SATB1: variants seen among roughly 807,000 people sequenced by gnomAD.
The protein encoded by SATB1 is DNA-binding protein SATB1.
In SATB1, 11 loss-of-function variants were observed where a neutral mutation model predicts 86.9. The ratio of observed to expected loss-of-function variants is 0.13; its 90% CI spans 0.08 to 0.21. SATB1 has a LOEUF of 0.21. Among genes scored for constraint, SATB1 ranks in the 10% least tolerant of loss-of-function variants. The pLI, the probability that SATB1 is intolerant of heterozygous loss-of-function variation, is 1.00. For synonymous variants in SATB1, 357 were observed against 357.2 expected, an observed-to-expected ratio of 1.00 and a Z score of 0.01; for missense variants, 551 against 937.6, an observed-to-expected ratio of 0.59 and a Z score of 5.39.
chr3:18,417,268 T>C (rs937297356), intron 2 of SATB1, 190 bp from the exon 3 acceptor site: 52 of 589,086 alleles, frequency 8.8e-5, no homozygotes, highest in Middle Eastern at 8.8e-4. Context: ...TTTAAAGTCG[T>C]AACAGAAATA....
upstream of SATB1, among the ~76,000 whole-genome samples, chr3:18,439,255 G>A (rs1699169096): frequency 6.6e-6 from 1 of 152,132 alleles, no homozygotes; most frequent in Non-Finnish European, 1.5e-5. Flanking sequence ...ATTGAAAGAG[G>A]TTATTAGAAT....
At chr3:18,398,129 A>G (rs1312664300) in intron 5 of SATB1, among the ~76,000 whole-genome samples, 1 of 152,194 alleles carries the variant, frequency 6.6e-6, no homozygotes, top group African/African-American at 2.4e-5. Flanking sequence ...CCTGCTTTTA[A>G]TAAATGCCCG....
chr3:18,405,860 T>C (rs1697506567), intron 5 of SATB1, among the ~76,000 whole-genome samples: 1 of 151,990 alleles, frequency 6.6e-6, no homozygotes, highest in African/African-American at 2.4e-5. Flanking sequence ...AGACTTCCCA[T>C]GTCTACCAGA....
rs971318723 is a variant in SATB1, at chr3:18,444,328, G to C, written c.-25+1190C>G. On this transcript the variant is annotated intron_variant, in intron 1 of 3. Coordinates refer to the SATB1 transcript ENST00000415069. This position sits in a 1 kb window ranked among gnomAD's most constrained non-coding sequence, Gnocchi z 5.1. ...GTCTATTGGGCAGGTGTGGTGGTGT[G>C]TCCACACCCAGACAGAAAACGAATG... 2.6e-5 allele frequency among the ~76,000 whole-genome samples: 4 copies of C among 151,968 alleles called. No individual in the cohort carries two copies. The highest frequency in any genetic ancestry group is 9.7e-5 in the African/African-American group (4 of 41,382).
intron 5 of SATB1, among the ~76,000 whole-genome samples, chr3:18,397,642 A>T (rs973679690): frequency 6.6e-6 from 1 of 152,194 alleles, no homozygotes. Context: ...GTGACTCATA[A>T]ATATACGAGA....
intron 9 of SATB1, among the ~76,000 whole-genome samples, chr3:18,372,996 T>C (rs1695550103): frequency 6.6e-6 from 1 of 152,200 alleles, no homozygotes; most frequent in Non-Finnish European, 1.5e-5. Flanking sequence ...GACCACACTC[T>C]GGACTGTCTT....
chr3:18,395,936 C>CA (rs1696943184), intron 6 of SATB1, among the ~76,000 whole-genome samples: 1 of 152,230 alleles, frequency 6.6e-6, no homozygotes, highest in African/African-American at 2.4e-5. Flanking sequence ...AAATTGTACA[C>CA]AGACTTCCCA....
Position 18,349,598 on chromosome 3 carries a change from G to A in SATB1, c.1864C>T (p.Pro622Ser), listed in dbSNP as rs1349890343. Residue 622 changes from proline (P) to serine (S), a missense_variant, in exon 11 of 11, where the codon CCT becomes TCT. Around this residue, in one of 8 missense-constraint regions of SATB1, gnomAD observed 87 missense variants for 103.6 expected, o/e 0.84. Coordinates refer to ENST00000338745, the MANE Select transcript of SATB1 (RefSeq NM_002971.6). The surrounding 1 kb of genome is among the most constrained non-coding windows in gnomAD (Gnocchi z 5.5). ...GTGGGTTGCCGTGGGGGGAGCCGAG[G>A]GCCTGTCTGTGGCTGCTGCTGTGGC... ...PQPQQQPQTG[P>S]RLPPRQPTVA... 2 of 1,613,636 alleles carry A rather than the reference G, an allele frequency of 1.2e-6. No homozygotes were observed. Among genetic ancestry groups the A allele is most frequent in the Non-Finnish European group, 1.7e-6 (2 of 1,179,986 alleles).
At chr3:18,382,796 T>G (rs1034549733) in intron 8 of SATB1, among the ~76,000 whole-genome samples, 2 of 152,220 alleles carry the variant, frequency 1.3e-5, no homozygotes, top group Non-Finnish European at 2.9e-5. Flanking sequence ...CCATCCTCTA[T>G]GACAAACAAA....
chr3:18,445,087 G>T, intron 1 of SATB1: 1 of 465,884 alleles, frequency 2.1e-6, no homozygotes, highest in African/African-American at 2.1e-5. Flanking sequence ...TGGCGCTTCG[G>T]ACCGGGCACG....
At chr3:18,355,574 T>G (rs916535153) in intron 9 of SATB1, among the ~76,000 whole-genome samples, 1 of 152,074 alleles carries the variant, frequency 6.6e-6, no homozygotes. Flanking sequence ...GTACTAGTTT[T>G]TAAGTGTTAA....
chr3:18,369,693 C>G (rs1047202464), intron 9 of SATB1, among the ~76,000 whole-genome samples: 1 of 145,296 alleles, frequency 6.9e-6, no homozygotes, highest in Non-Finnish European at 1.5e-5. Context: ...GCTTCTGTGC[C>G]ACATTAGCTG....
intron 5 of SATB1, among the ~76,000 whole-genome samples, chr3:18,413,109 A>G (rs986296067): frequency 2.6e-5 from 4 of 152,084 alleles, no homozygotes; most frequent in African/African-American, 9.7e-5. Context: ...AGGAAGCCAT[A>G]TATCTGAAAA....
chr3:18,381,614 TTACTTGAAAAAA>T (rs1696067464), intron 8 of SATB1, among the ~76,000 whole-genome samples: 1 of 152,190 alleles, frequency 6.6e-6, no homozygotes, highest in Non-Finnish European at 1.5e-5. Flanking sequence ...TGCACCTTCT[TTACTTGAAAAAA>T]TTCTTAATTT....
rs1490097223 is a variant in SATB1 at position 18,345,832 on chromosome 3, A to G, written c.*3338T>C. ...TCAGAATGTCTCATTTATTGAGAAT[A>G]TTGTGACAATCAAAGACCTTAATAT... On this transcript the variant is annotated 3_prime_UTR_variant, in exon 11 of 11. Transcript: ENST00000338745. The G allele has an allele frequency of 6.6e-6, 1 of 152,110 alleles. No homozygotes were observed. Among genetic ancestry groups the G allele is most frequent in the Admixed American group, 6.6e-5 (1 of 15,254 alleles). The allele number at this position is 152,110 out of a possible 1,614,324, so 9.4% of individuals were successfully genotyped here.
At chr3:18,408,655 G>C (rs892320371) in intron 5 of SATB1, 1 of 148,108 alleles carries the variant, frequency 6.8e-6, no homozygotes, top group Non-Finnish European at 1.5e-5. Flanking sequence ...TTGAGTTCGT[G>C]TATCTGTTTG....
At chr3:18,431,446 T>C (rs1342637643) in intron 2 of SATB1, among the ~76,000 whole-genome samples, 1 of 152,232 alleles carries the variant, frequency 6.6e-6, no homozygotes, top group African/African-American at 2.4e-5. Context: ...TACTCATGTA[T>C]ATATTTCTGC....
At chr3:18,387,832 C>T (rs1354182433) in intron 7 of SATB1, among the ~76,000 whole-genome samples, 1 of 152,044 alleles carries the variant, frequency 6.6e-6, no homozygotes, top group African/African-American at 2.4e-5. Context: ...AACAATGAAG[C>T]CCCAAGGTTA....
intron 1 of SATB1, chr3:18,445,403 CGG>C (rs1699367505): frequency 1.0e-6 from 1 of 984,682 alleles, no homozygotes. Flanking sequence ...GGGGCGCACA[CGG>C]GGGTTGGCGC....
Sources: allele counts gnomAD v4.1 joint callset (sites outside exome capture counted in the v4.1 genomes callset), GRCh38; gene constraint gnomAD v4.1.1; regional missense constraint gnomAD v4.1.1; non-coding constraint Gnocchi (gnomAD v3.1); transcripts MANE v1.5; gene names NCBI Gene and HGNC (gene_info 2026-07-23, HGNC 2026-07-21).